The following TEF variants were observed in gnomAD, a reference collection of about 807,000 sequenced individuals.
The protein encoded by TEF is thyrotroph embryonic factor.
TEF carries 3 observed loss-of-function variants against 20.8 expected under a neutral mutation model. The ratio of observed to expected loss-of-function variants is 0.14; its 90% confidence interval spans 0.07 to 0.37. TEF has a LOEUF of 0.37. Among genes scored for constraint, TEF ranks in the 10% least tolerant of loss-of-function variants. TEF has a pLI of 1.00. For synonymous variants in TEF, 180 were observed against 171.1 expected (o/e 1.05, Z -0.41); for missense variants, 296 against 397.9 (o/e 0.74, Z 2.18).
upstream of TEF, among the ~76,000 whole-genome samples, chr22:41,377,833 G>A (rs1021972538): frequency 1.3e-5 from 2 of 152,170 alleles, no homozygotes; most frequent in African/African-American, 4.8e-5. Context: ...GGCTTAACCC[G>A]CTGGTCTCAC....
chr22:41,369,006 T>C (rs1187558937), intron 1 of TEF: 2 of 957,366 alleles, frequency 2.1e-6, no homozygotes, highest in African/African-American at 1.8e-5. Flanking sequence ...AAAGCTAAGG[T>C]AGAGGGTCCC....
chr22:41,383,012 G>A (rs910953334), intron 1 of TEF: 4 of 471,012 alleles, frequency 8.5e-6, no homozygotes, highest in Non-Finnish European at 1.8e-5. Context: ...TTTCGCCCTG[G>A]GAGATGGGGT....
chr22:41,369,128 G>A, intron 1 of TEF: 2 of 985,392 alleles, frequency 2.0e-6, no homozygotes, highest in Non-Finnish European at 2.4e-6. Flanking sequence ...AGTGGGGCAG[G>A]GAGGATTCTC....
intron 1 of TEF, 91 bp from the exon 2 acceptor site, chr22:41,387,260 A>G: frequency 7.1e-7 from 1 of 1,407,066 alleles, no homozygotes. Context: ...GCTCTGAGAA[A>G]GATGGGCCAG....
rs1234538794 is a variant in TEF at position 41,394,083 on chromosome 22, C to T, written c.476-13C>T. On this transcript the variant is annotated splice_polypyrimidine_tract_variant and intron_variant, in intron 2 of 3. Transcript: ENST00000266304. ...TGGGCTGCTTCGGGACCACCTGTCT[C>T]TGTGTCTTTTAGAATCTTCCCTGGA... The T allele has an allele frequency of 1.2e-6, 2 of 1,612,948 alleles. No individual in the cohort carries two copies. Among genetic ancestry groups the T allele is most frequent in the Non-Finnish European group, 1.7e-6 (2 of 1,179,396 alleles).
At chr22:41,377,244 A>G (rs1243132830), upstream of TEF, 1 of 152,200 alleles carries the variant, frequency 6.6e-6, no homozygotes, top group Admixed American at 6.5e-5. Context: ...TCTTCTCTGT[A>G]TCATTCCAAT....
At position 41,396,698 on chromosome 22, in the gene TEF, C is replaced by T; in HGVS notation, c.*738C>T. ...CTCCTAGGATGGCTGCTGTCTGAGC[C>T]ATGAGTGCCAGGGCTGAGAGAGGCC... is the stretch of plus-strand genomic sequence containing the variant. On this transcript the variant is annotated 3_prime_UTR_variant, in exon 4 of 4. Coordinates refer to ENST00000266304, the MANE Select transcript of TEF (RefSeq NM_003216.4). 1 of 374,004 alleles carries T rather than the reference C, an allele frequency of 2.7e-6. No homozygotes were observed. The highest frequency in any genetic ancestry group is 4.7e-6 in the Non-Finnish European group (1 of 211,102). 23.2% of individuals were successfully genotyped at this position (374,004 alleles called of 1,614,324 possible). A position where few individuals can be genotyped will look rare whatever the true frequency, so the allele number is the denominator to read the frequency against.
upstream of TEF, among the ~76,000 whole-genome samples, chr22:41,381,475 A>G (rs1470007694): frequency 1.3e-5 from 2 of 152,136 alleles, no homozygotes; most frequent in Non-Finnish European, 2.9e-5. Context: ...CCGCGCGAGC[A>G]GGAGCTCGGA....
upstream of TEF, among the ~76,000 whole-genome samples, chr22:41,379,026 A>G (rs1025124953): frequency 2.8e-4 from 42 of 152,238 alleles, no homozygotes; most frequent in African/African-American, 1.0e-3. Context: ...CTGTGCGCCT[A>G]CGCAAATTGG....
At chr22:41,394,800 ATC>A (rs1324487324) in intron 3 of TEF, among the ~76,000 whole-genome samples, 1 of 152,176 alleles carries the variant, frequency 6.6e-6, no homozygotes, top group African/African-American at 2.4e-5. Context: ...TTTCATCCAA[ATC>A]TTTGGAGTCA....
At chr22:41,389,985 C>T (rs569059499) in intron 2 of TEF, among the ~76,000 whole-genome samples, 9 of 151,778 alleles carry the variant, frequency 5.9e-5, no homozygotes, top group African/African-American at 1.9e-4. Context: ...CTGCAACCTC[C>T]GCCTCCTGGG....
chr22:41,390,314 A>G (rs948530858), intron 2 of TEF, among the ~76,000 whole-genome samples: 1 of 152,124 alleles, frequency 6.6e-6, no homozygotes, highest in African/African-American at 2.4e-5. Flanking sequence ...ATAGCGTACA[A>G]AGTTGTTATA....
chr22:41,396,946 G>T lies in TEF; in HGVS notation c.*986G>T, dbSNP rs999613516. 2.5e-6 allele frequency: 1 copy of T among 398,680 alleles called. No individual in the cohort carries two copies. The highest frequency in any genetic ancestry group is 4.4e-6 in the Non-Finnish European group (1 of 226,162). The allele number at this position is 398,680 out of a possible 1,614,324, so 24.7% of individuals were successfully genotyped here. On this transcript the variant is annotated 3_prime_UTR_variant, in exon 4 of 4. Transcript: ENST00000266304. The stretch of plus-strand genomic sequence containing the variant: ...CCTCCACAGCCCCCTTCCACCATGG[G>T]CATGAGAGCTGGGGTGTGTTTCTTG...
At chr22:41,393,646 G>A (rs1179077370) in intron 2 of TEF, among the ~76,000 whole-genome samples, 1 of 151,056 alleles carries the variant, frequency 6.6e-6, no homozygotes, top group Admixed American at 6.6e-5. Context: ...GGTGGCAGGC[G>A]CCTGTAGTCC....
At chr22:41,369,445 TGAGA>T (rs1014453163) in intron 1 of TEF, among the ~76,000 whole-genome samples, 1 of 151,872 alleles carries the variant, frequency 6.6e-6, no homozygotes, top group Non-Finnish European at 1.5e-5. Context: ...GGCATCTCAC[TGAGA>T]GTGAGAAGCA....
In TEF at chr22:41,387,633, C is replaced by T; in HGVS notation, c.440C>T (p.Ala147Val). The T allele has an allele frequency of 3.7e-6, 6 of 1,614,088 alleles. No homozygotes were observed. Among genetic ancestry groups the T allele is most frequent in the Non-Finnish European group, 5.1e-6 (6 of 1,179,986 alleles). Reference sequence around the variant, plus strand: ...GCATCCCCACCATCCTCCTCCACTGCCATCTTTCAGCCCTCTGAAACCGTG... The same window carrying T: ...GCATCCCCACCATCCTCCTCCACTGTCATCTTTCAGCCCTCTGAAACCGTG... ...STASPPSSSTAIFQPSETVSS... is the reference protein window; with the variant it reads ...STASPPSSSTVIFQPSETVSS... Residue 147 changes from alanine to valine, a missense_variant, in exon 2 of 4, where the codon GCC becomes GTC. Transcript: ENST00000266304.
In TEF at chr22:41,397,157, A is replaced by T; in HGVS notation, c.*1197A>T. 2.5e-6 allele frequency: 1 copy of T among 398,670 alleles called. No homozygotes were observed. Among genetic ancestry groups the T allele is most frequent in the African/African-American group, 2.1e-5 (1 of 48,758 alleles). 24.7% of individuals were successfully genotyped at this position (398,670 alleles called of 1,614,324 possible). A position where few individuals can be genotyped will look rare whatever the true frequency, so the allele number is the denominator to read the frequency against. ...AAGGTCACAGTGCCACTTTCACGGGATAGCAGGCTCTTGGGACTTTTACAC... is the reference window on the plus strand; with the variant it reads ...AAGGTCACAGTGCCACTTTCACGGGTTAGCAGGCTCTTGGGACTTTTACAC... On this transcript the variant is annotated 3_prime_UTR_variant, in exon 4 of 4. Transcript: ENST00000266304.
upstream of TEF, among the ~76,000 whole-genome samples, chr22:41,381,567 G>A (rs886581367): frequency 2.0e-5 from 3 of 152,226 alleles, no homozygotes; most frequent in Non-Finnish European, 4.4e-5. Flanking sequence ...TCGGGGACAA[G>A]AGGGAGAGGC....
intron 1 of TEF, among the ~76,000 whole-genome samples, chr22:41,374,179 G>A (rs1601811593): frequency 6.6e-6 from 1 of 152,288 alleles, no homozygotes; most frequent in Admixed American, 6.5e-5. Flanking sequence ...GCTGAAGTGG[G>A]AGGAGTGCTT....
Sources: allele counts gnomAD v4.1 joint callset (sites outside exome capture counted in the v4.1 genomes callset), GRCh38; gene constraint gnomAD v4.1.1; transcripts MANE v1.5; gene names NCBI Gene and HGNC (gene_info 2026-07-23, HGNC 2026-07-21).